EPHB1: variants seen among roughly 807,000 people sequenced by gnomAD.
The protein encoded by EPHB1 is EPH receptor B1.
EPHB1 carries 30 observed loss-of-function variants against 94.4 expected under a neutral mutation model. That is an observed-to-expected ratio of 0.32 (90% CI 0.24 to 0.43). The LOEUF (loss-of-function observed/expected upper bound fraction) is 0.43. Ranked by LOEUF, EPHB1 falls within the 20% of genes least tolerant of loss-of-function variation. The pLI, the probability that EPHB1 is intolerant of heterozygous loss-of-function variation, is 1.00. For missense variants in EPHB1, 1,055 were observed against 1,308.3 expected (o/e 0.81, Z 2.99); for synonymous variants, 522 against 489.1 (o/e 1.07, Z -0.89).
At position 134,795,659 on chromosome 3, in the gene EPHB1, C is replaced by T; in HGVS notation, c.28C>T (p.Leu10Phe). The T allele has an allele frequency of 3.1e-6, 5 of 1,609,834 alleles. No individual in the cohort carries two copies. Among genetic ancestry groups the T allele is most frequent in the South Asian group, 1.1e-5 (1 of 90,664 alleles). Residue 10 changes from leucine to phenylalanine, a missense_variant, in exon 1 of 16, where the codon CTC becomes TTC. Physicochemically the swap from Leu to Phe is conservative, Grantham distance 22 (BLOSUM62 0). Coordinates refer to ENST00000398015, the MANE Select transcript of EPHB1 (RefSeq NM_004441.5). ...GGCCCTGGATTATCTACTACTGCTC[C>T]TCCTGGCATCCGCAGTGGCTGCGAT... MALDYLLLL[L>F]LASAVAAMEE...
chr3:134,824,125 C>CT (rs373504139), intron 1 of EPHB1, among the ~76,000 whole-genome samples: 10,446 of 100,198 alleles, frequency 0.1, 200 homozygotes, highest in Non-Finnish European at 0.14. Context: ...GGATAATGCC[C>CT]TTTTTTTTTT....
intron 2 of EPHB1, among the ~76,000 whole-genome samples, chr3:134,928,684 G>C (rs888279910): frequency 6.6e-6 from 1 of 152,176 alleles, no homozygotes; most frequent in Non-Finnish European, 1.5e-5. Flanking sequence ...AGGGGCAATG[G>C]AATCAGAAGG....
intron 12 of EPHB1, among the ~76,000 whole-genome samples, chr3:135,210,406 A>T (rs1309803535): frequency 1.3e-5 from 2 of 152,192 alleles, no homozygotes; most frequent in Non-Finnish European, 2.9e-5. Context: ...GAAGATGCAC[A>T]TTTAGGAGTC....
chr3:134,894,209 C>G (rs563834372), intron 1 of EPHB1, among the ~76,000 whole-genome samples: 31 of 152,282 alleles, frequency 2.0e-4, no homozygotes, highest in Non-Finnish European at 3.1e-4. Context: ...TTGGTGACTT[C>G]ATCTTGAGGT....
chr3:135,052,901 A>G (rs1397495683), intron 3 of EPHB1, among the ~76,000 whole-genome samples: 2 of 100,448 alleles, frequency 2.0e-5, no homozygotes, highest in Non-Finnish European at 3.5e-5. Context: ...ATATATATAT[A>G]TATATATATG....
chr3:134,902,361 G>A (rs1238760081), intron 1 of EPHB1, among the ~76,000 whole-genome samples: 1 of 152,166 alleles, frequency 6.6e-6, no homozygotes, highest in Admixed American at 6.5e-5. Context: ...GCAGGAGGAA[G>A]GTGCCACCCA....
At chr3:134,950,531 T>C (rs1333986122) in intron 2 of EPHB1, among the ~76,000 whole-genome samples, 1 of 152,194 alleles carries the variant, frequency 6.6e-6, no homozygotes, top group Non-Finnish European at 1.5e-5. Flanking sequence ...AGTGCCAGCA[T>C]CTACTTCTGC....
At chr3:135,152,236 G>A (rs768575244) in intron 5 of EPHB1, among the ~76,000 whole-genome samples, 3 of 152,116 alleles carry the variant, frequency 2.0e-5, no homozygotes, top group Non-Finnish European at 4.4e-5. Flanking sequence ...TTGTGGGAGG[G>A]GGAACATCCT....
At chr3:135,102,842 T>G in intron 3 of EPHB1, among the ~76,000 whole-genome samples, 1 of 152,206 alleles carries the variant, frequency 6.6e-6, no homozygotes, top group East Asian at 1.9e-4. Context: ...TGGATGAAGC[T>G]GGAAACCATC....
chr3:134,826,303 G>A (rs551494098), intron 1 of EPHB1, among the ~76,000 whole-genome samples: 1 of 151,012 alleles, frequency 6.6e-6, no homozygotes, highest in South Asian at 2.1e-4. Context: ...TGAGCTAAGA[G>A]CCAGAATACA....
intron 7 of EPHB1, among the ~76,000 whole-genome samples, chr3:135,162,942 T>A (rs1941551731): frequency 6.6e-6 from 1 of 152,210 alleles, no homozygotes; most frequent in Non-Finnish European, 1.5e-5. Flanking sequence ...TAATTATTTG[T>A]GTATCTGCCT....
intron 6 of EPHB1, among the ~76,000 whole-genome samples, chr3:135,156,190 T>A (rs548100841): frequency 6.6e-6 from 1 of 151,722 alleles, no homozygotes; most frequent in Non-Finnish European, 1.5e-5. Flanking sequence ...CTAAAATGCT[T>A]GTAAAATGGC....
Position 134,795,441 on chromosome 3 carries a change from G to A in EPHB1, c.-191G>A. 5.2e-6 allele frequency: 3 copies of A among 573,098 alleles called. No individual in the cohort carries two copies. The highest frequency in any genetic ancestry group is 6.5e-5 in the East Asian group (2 of 30,844). The allele number at this position is 573,098 out of a possible 1,614,324, so 35.5% of individuals were successfully genotyped here. A position where few individuals can be genotyped will look rare whatever the true frequency, so the allele number is the denominator to read the frequency against. Reference sequence around the variant, plus strand: ...CACACATGCACACCCACACCCACGCGCGCCCGCACCGCCCCACGCGCACAC... The same window carrying A: ...CACACATGCACACCCACACCCACGCACGCCCGCACCGCCCCACGCGCACAC... On this transcript the variant is annotated 5_prime_UTR_variant, in exon 1 of 16. Transcript: ENST00000398015.
intron 3 of EPHB1, among the ~76,000 whole-genome samples, chr3:135,007,036 GCAGAAACAGGT>G (rs1935442727): frequency 6.6e-6 from 1 of 152,182 alleles, no homozygotes; most frequent in Non-Finnish European, 1.5e-5. Flanking sequence ...CCAGATCAAG[GCAGAAACAGGT>G]CAGGAGCAGC....
intron 1 of EPHB1, among the ~76,000 whole-genome samples, chr3:134,811,375 A>ATT (rs2108286234): frequency 1.3e-5 from 2 of 151,058 alleles, no homozygotes; most frequent in East Asian, 4.0e-4. Flanking sequence ...AGTAGCTGGA[A>ATT]TTATAGGCGA....
rs1042526749 is a variant in EPHB1, at chr3:134,926,014, C to T, written c.123+134C>T. On this transcript the variant is annotated intron_variant, in intron 2 of 15. Transcript: ENST00000398015. ...AGGTGTGAATGGCTGTGTCCACTGC[C>T]CATCCATGCAAAGACAGCACCAGGG... 3 of 718,072 alleles carry T rather than the reference C, an allele frequency of 4.2e-6. No homozygotes were observed. The South Asian group carries it at 7.2e-5, about 17-fold the overall frequency. 44.5% of individuals were successfully genotyped at this position (718,072 alleles called of 1,614,324 possible). A position where few individuals can be genotyped will look rare whatever the true frequency, so the allele number is the denominator to read the frequency against.
chr3:135,005,527 C>T (rs1935366125), intron 3 of EPHB1, among the ~76,000 whole-genome samples: 1 of 152,230 alleles, frequency 6.6e-6, no homozygotes, highest in Non-Finnish European at 1.5e-5. Flanking sequence ...CTAAGCAAGC[C>T]TGGGCAATGG....
At chr3:135,169,384 G>A (rs112649449) in intron 9 of EPHB1, among the ~76,000 whole-genome samples, 2,496 of 152,124 alleles carry the variant, frequency 0.016, 57 homozygotes, top group African/African-American at 0.056. Context: ...TTTTTAATTC[G>A]GTTTGCCTTT....
At chr3:134,867,407 CTG>C (rs2037403090) in intron 1 of EPHB1, among the ~76,000 whole-genome samples, 2 of 152,244 alleles carry the variant, frequency 1.3e-5, no homozygotes, top group South Asian at 4.1e-4. Context: ...CAGTGGGTCT[CTG>C]TGCAGTTAAT....
Sources: gnomAD v4.1 joint callset for allele counts (sites outside exome capture counted in the v4.1 genomes callset) on GRCh38, gnomAD v4.1.1 for gene constraint, MANE v1.5 for transcripts, NCBI Gene and HGNC (gene_info 2026-07-23, HGNC 2026-07-21) for gene names.